Variants in MMP2 observed in about 807,000 individuals in gnomAD.
The protein encoded by MMP2 is matrix metallopeptidase 2.
In MMP2, 39 loss-of-function variants were observed where a neutral mutation model predicts 74.8. The observed-to-expected ratio is 0.52, with a 90% CI of 0.40 to 0.68. The LOEUF (loss-of-function observed/expected upper bound fraction) is 0.68, where lower values mean the gene tolerates loss of function less well. MMP2 is among the 30% of genes least tolerant of loss of function. The pLI, the probability that MMP2 is intolerant of heterozygous loss-of-function variation, is 0.00. For synonymous variants in MMP2, 367 were observed against 339.8 expected (o/e 1.08, Z -0.88); for missense variants, 803 against 878.3 (o/e 0.91, Z 1.08).
Position 55,483,013 on chromosome 16 carries a change from A to T in MMP2, c.258A>T (p.Thr86=). Residue 86 remains threonine, a synonymous_variant, in exon 2 of 13, where the codon ACA becomes ACT. Coordinates refer to ENST00000219070, the MANE Select transcript of MMP2 (RefSeq NM_004530.6). Reference sequence around the variant, plus strand: ...AGAAGTTCTTTGGACTGCCCCAGACAGGTGATCTTGACCAGAATACCATCG... The same window carrying T: ...AGAAGTTCTTTGGACTGCCCCAGACTGGTGATCTTGACCAGAATACCATCG... ...KMQKFFGLPQ[T]GDLDQNTIET... is the part of the protein sequence containing the mutation. 2 of 1,614,222 alleles carry T rather than the reference A, an allele frequency of 1.2e-6. No homozygotes were observed. Among genetic ancestry groups the T allele is most frequent in the Non-Finnish European group, 1.7e-6 (2 of 1,180,040 alleles).
chr16:55,496,172 A>AC (rs1397688398), intron 9 of MMP2, among the ~76,000 whole-genome samples: 2 of 152,050 alleles, frequency 1.3e-5, no homozygotes, highest in African/African-American at 4.8e-5. Context: ...CTCTGTAAGG[A>AC]CCCAATCATT....
intron 10 of MMP2, among the ~76,000 whole-genome samples, chr16:55,497,914 G>GGCTCCCGTCTCCACCACCTT (rs1171200421): frequency 1.3e-5 from 2 of 152,194 alleles, no homozygotes; most frequent in African/African-American, 4.8e-5. Context: ...TCCACCACCT[G>GGCTCCCGTCTCCACCACCTT]GCTCCCACCT....
chr16:55,504,803 C>T (rs1158897894), intron 12 of MMP2, among the ~76,000 whole-genome samples: 3 of 151,940 alleles, frequency 2.0e-5, no homozygotes, highest in Non-Finnish European at 2.9e-5. Context: ...CAGGCGCCTA[C>T]CACCACGCCC....
intron 12 of MMP2, 22 bp downstream of exon 12, chr16:55,502,910 C>G: frequency 6.3e-7 from 1 of 1,596,248 alleles, no homozygotes; most frequent in Non-Finnish European, 8.6e-7. Flanking sequence ...AGGACTGTCT[C>G]CGCTTTCTAG....
At chr16:55,488,889 C>T (rs1176542278) in intron 6 of MMP2, 173 bp downstream of exon 6, 1 of 692,748 alleles carries the variant, frequency 1.4e-6, no homozygotes, top group Non-Finnish European at 2.5e-6. Context: ...ATACTTGTCA[C>T]CTGGTATGGC....
At chr16:55,492,472 T>G (rs1386134647) in intron 8 of MMP2, among the ~76,000 whole-genome samples, 2 of 126,268 alleles carry the variant, frequency 1.6e-5, no homozygotes, top group African/African-American at 2.9e-5. Context: ...TTTATTTATT[T>G]ATTGTTGGTT....
rs41280907 is a variant in MMP2, at chr16:55,483,970, C to G, written c.381-46C>G. 4,573 of 1,586,378 alleles carry G rather than the reference C, an allele frequency of 2.9e-3. 18 individuals carry two copies. Among genetic ancestry groups the G allele is most frequent in the Middle Eastern group, 8.0e-3 (48 of 6,014 alleles). ...ACACACATACTTGCATATACATACA[C>G]TTATGCACATGCATACACACTCACA... is the stretch of plus-strand genomic sequence containing the variant. On this transcript the variant is annotated intron_variant, in intron 2 of 12. Coordinates refer to ENST00000219070, the MANE Select transcript of MMP2 (RefSeq NM_004530.6).
At chr16:55,486,737 C>A (rs540855582) in intron 5 of MMP2, 1 of 152,056 alleles carries the variant, frequency 6.6e-6, no homozygotes, top group South Asian at 2.1e-4. Flanking sequence ...GAAAACCTGG[C>A]GAAAATGGAA....
At chr16:55,493,094 G>C in intron 8 of MMP2, 64 bp from the exon 9 acceptor site, 2 of 1,601,256 alleles carry the variant, frequency 1.2e-6, no homozygotes. Flanking sequence ...CACCCCTGGG[G>C]GCTCACCCTA....
chr16:55,505,264 C>T, intron 12 of MMP2, 75 bp from the exon 13 acceptor site: 1 of 1,285,912 alleles, frequency 7.8e-7, no homozygotes, highest in Non-Finnish European at 1.1e-6. Flanking sequence ...GGCAGAAATT[C>T]AAAGTTCCCA....
intron 2 of MMP2, 32 bp downstream of exon 2, chr16:55,483,167 A>G: frequency 6.3e-7 from 1 of 1,578,274 alleles, no homozygotes. Context: ...AGGCAGGGCC[A>G]TGGGGCTGAG....
chr16:55,481,693 T>C (rs751382563), intron 1 of MMP2: 127 of 573,524 alleles, frequency 2.2e-4, no homozygotes, highest in Non-Finnish European at 2.9e-4. Flanking sequence ...GGCAATGCAG[T>C]GGGGGCTTAA....
At chr16:55,491,316 G>GCTAA (rs879811310) in intron 7 of MMP2, among the ~76,000 whole-genome samples, 7 of 152,158 alleles carry the variant, frequency 4.6e-5, no homozygotes, top group Non-Finnish European at 1.0e-4. Context: ...GTGCAACCAC[G>GCTAA]CTAAGTGTGA....
chr16:55,479,621 G>C lies in MMP2; in HGVS notation c.142G>C (p.Glu48Gln). The C allele has an allele frequency of 6.2e-7, 1 of 1,613,832 alleles. No individual in the cohort carries two copies. Among genetic ancestry groups the C allele is most frequent in the Non-Finnish European group, 8.5e-7 (1 of 1,180,004 alleles). The change falls in exon 1 of 13, where the codon GAG (glutamate) becomes CAG (glutamine). Residue 48 changes from glutamate (E) to glutamine (Q), a missense_variant. Coordinates refer to ENST00000219070, the MANE Select transcript of MMP2 (RefSeq NM_004530.6). Reference sequence around the variant, plus strand: ...CGATGTCGCCCCCAAAACGGACAAAGAGTTGGCAGTGGTGAGTTGCTGCGC... The same window carrying C: ...CGATGTCGCCCCCAAAACGGACAAACAGTTGGCAGTGGTGAGTTGCTGCGC... ...PGDVAPKTDK[E>Q]LAVQYLNTFY... is the part of the protein sequence containing the mutation.
chr16:55,494,943 T>A (rs1348725154), intron 9 of MMP2, among the ~76,000 whole-genome samples: 1 of 152,236 alleles, frequency 6.6e-6, no homozygotes, highest in African/African-American at 2.4e-5. Context: ...GCCATAGTGA[T>A]GTGAAAGTTT....
intron 1 of MMP2, chr16:55,481,952 C>T (rs1233196824): frequency 1.6e-6 from 1 of 642,936 alleles, no homozygotes; most frequent in Admixed American, 2.4e-5. Context: ...TTCCCCTTTC[C>T]TAACTACTTC....
rs1193668400 is a variant in MMP2, at chr16:55,485,691, A to T, written c.746A>T (p.Asp249Val). ...GGCAAGGAGTACAACAGCTGCACTG[A>T]TACCGGCCGCAGCGATGGCTTCCTC... is the stretch of plus-strand genomic sequence containing the variant. ...FNGKEYNSCTDTGRSDGFLWC... is the reference protein window; with the variant it reads ...FNGKEYNSCTVTGRSDGFLWC... The change falls in exon 5 of 13, where the codon GAT (aspartate) becomes GTT (valine). Residue 249 changes from aspartate (D) to valine (V), a missense_variant. Physicochemically the swap from Asp to Val is radical, Grantham distance 152. This residue lies in a region of MMP2 where 555 missense variants were observed against 592.0 expected (regional missense o/e 0.94). Transcript: ENST00000219070. The T allele has an allele frequency of 1.2e-6, 2 of 1,614,126 alleles. No individual in the cohort carries two copies. Among genetic ancestry groups the T allele is most frequent in the Admixed American group, 1.7e-5 (1 of 60,022 alleles).
chr16:55,491,798 C>G lies in MMP2; in HGVS notation c.1181-3C>G. 1 of 1,614,228 alleles carries G rather than the reference C, an allele frequency of 6.2e-7. No homozygotes were observed. The highest frequency in any genetic ancestry group is 8.5e-7 in the Non-Finnish European group (1 of 1,180,042). ...AACCCTCTCTCCTCCCTGCAACCCTCAGGGTACAGCCTGTTCCTCGTGGCA... is the reference window on the plus strand; with the variant it reads ...AACCCTCTCTCCTCCCTGCAACCCTGAGGGTACAGCCTGTTCCTCGTGGCA... On this transcript the variant is annotated splice_polypyrimidine_tract_variant and splice_region_variant and intron_variant, in intron 7 of 12. Transcript: ENST00000219070.
At chr16:55,501,913 T>C (rs1296629872) in intron 11 of MMP2, among the ~76,000 whole-genome samples, 8 of 152,128 alleles carry the variant, frequency 5.3e-5, no homozygotes, top group African/African-American at 1.9e-4. Context: ...TAAATATTTA[T>C]GGAATAATGA....
Sources: allele counts gnomAD v4.1 joint callset (sites outside exome capture counted in the v4.1 genomes callset), GRCh38; gene constraint gnomAD v4.1.1; regional missense constraint gnomAD v4.1.1; transcripts MANE v1.5; gene names NCBI Gene and HGNC (gene_info 2026-07-23, HGNC 2026-07-21).